The following PRKCH variants were observed in gnomAD, a reference collection of about 807,000 sequenced individuals.
The protein encoded by PRKCH is protein kinase C eta.
Under a neutral mutation model 82.5 loss-of-function variants are expected in PRKCH, and 28 were observed. The observed-to-expected ratio is 0.34, with a 90% CI of 0.25 to 0.47. The LOEUF is 0.47. PRKCH is among the 20% of genes least tolerant of loss of function. The pLI, the probability that PRKCH is intolerant of heterozygous loss-of-function variation, is 1.00. For missense variants in PRKCH, 705 were observed against 881.8 expected, an observed-to-expected ratio of 0.80 and a Z score of 2.54; for synonymous variants, 322 against 327.4, an observed-to-expected ratio of 0.98 and a Z score of 0.18.
chr14:61,312,305 T>C (rs980192991), intron 1 of PRKCH, among the ~76,000 whole-genome samples: 6 of 152,188 alleles, frequency 3.9e-5, no homozygotes, highest in African/African-American at 1.4e-4. Flanking sequence ...CCTGGCTCAT[T>C]TTTGTATTTT....
In PRKCH at chr14:61,245,595, G is replaced by A. The variant is rs559391592; in HGVS notation, c.-19+57927G>A. ...TTCCTCCCCACCAAAGGGGCCAAGG[G>A]TGAAAGAGCGCTGATGAGAATTAAG... On this transcript the variant is annotated intron_variant, in intron 1 of 3. Coordinates refer to the PRKCH transcript ENST00000555185. Among the ~76,000 whole-genome samples, 4 of 152,318 alleles carry A rather than the reference G, an allele frequency of 2.6e-5. No homozygotes were observed. The East Asian group carries it at 5.8e-4, about 22-fold the overall frequency.
At chr14:61,517,702 A>C (rs2042848188) in intron 10 of PRKCH, among the ~76,000 whole-genome samples, 1 of 152,252 alleles carries the variant, frequency 6.6e-6, no homozygotes, top group Non-Finnish European at 1.5e-5. Flanking sequence ...TAAAGCTAGC[A>C]GGACCCATCT....
chr14:61,209,902 T>C (rs892386421), intron 1 of PRKCH, among the ~76,000 whole-genome samples: 1 of 151,678 alleles, frequency 6.6e-6, no homozygotes, highest in African/African-American at 2.4e-5. Context: ...AATGAGAACA[T>C]GCAGTATTTG....
intron 2 of PRKCH, among the ~76,000 whole-genome samples, chr14:61,438,754 G>C (rs1035499915): frequency 6.6e-6 from 1 of 152,156 alleles, no homozygotes; most frequent in African/African-American, 2.4e-5. Context: ...GGGGTTGTTT[G>C]GTGACTCCTA....
chr14:61,516,910 A>G (rs17098667), intron 10 of PRKCH, among the ~76,000 whole-genome samples: 38,649 of 152,130 alleles, frequency 0.25, 5,291 homozygotes, highest in African/African-American at 0.35. Flanking sequence ...CTATAATCTA[A>G]AAGTAAAATG....
At chr14:61,223,803 CT>C (rs2044673834) in intron 1 of PRKCH, among the ~76,000 whole-genome samples, 1 of 152,188 alleles carries the variant, frequency 6.6e-6, no homozygotes, top group African/African-American at 2.4e-5. Context: ...AAACTTCACC[CT>C]CATGATCCAG....
At chr14:61,461,459 A>G (rs1190164642) in intron 9 of PRKCH, among the ~76,000 whole-genome samples, 1 of 152,202 alleles carries the variant, frequency 6.6e-6, no homozygotes, top group Non-Finnish European at 1.5e-5. Context: ...CCGCAGAGCC[A>G]GGTGACCTCT....
intron 1 of PRKCH, among the ~76,000 whole-genome samples, chr14:61,360,546 A>G (rs150374672): frequency 8.3e-4 from 127 of 152,336 alleles, no homozygotes; most frequent in Middle Eastern, 3.4e-3. Flanking sequence ...CGAAGAGGCT[A>G]AAACGTATCC....
At chr14:61,255,083 C>T (rs1324521297) in intron 1 of PRKCH, among the ~76,000 whole-genome samples, 1 of 152,200 alleles carries the variant, frequency 6.6e-6, no homozygotes, top group Non-Finnish European at 1.5e-5. Flanking sequence ...CTTCTTGCTG[C>T]GCTATCAGGA....
chr14:61,282,562 G>C (rs915490748), intron 1 of PRKCH, among the ~76,000 whole-genome samples: 7 of 152,062 alleles, frequency 4.6e-5, no homozygotes, highest in Admixed American at 4.6e-4. Context: ...ATGCTAATTA[G>C]ACAAAAAAGG....
intron 1 of PRKCH, among the ~76,000 whole-genome samples, chr14:61,240,952 A>C (rs955177191): frequency 4.5e-3 from 27 of 6,012 alleles, no homozygotes; most frequent in African/African-American, 7.9e-3. Flanking sequence ...TCAATTCTAC[A>C]GCTCTAATTC....
intron 3 of PRKCH, 53 bp from the exon 4 acceptor site, chr14:61,445,639 A>C: frequency 2.0e-6 from 3 of 1,508,182 alleles, no homozygotes; most frequent in Non-Finnish European, 2.8e-6. Flanking sequence ...AAGGACTATA[A>C]GAGGGTTATT....
chr14:61,457,802 G>C, intron 9 of PRKCH, 123 bp downstream of exon 9: 2 of 1,327,652 alleles, frequency 1.5e-6, no homozygotes, highest in Non-Finnish European at 2.1e-6. Flanking sequence ...CCCAAGGCAG[G>C]GTCATATGGA....
intron 10 of PRKCH, among the ~76,000 whole-genome samples, chr14:61,507,938 A>G (rs1462667467): frequency 6.6e-6 from 1 of 152,140 alleles, no homozygotes; most frequent in Non-Finnish European, 1.5e-5. Context: ...TCTTATCACC[A>G]AGAAAAAAAC....
At chr14:61,470,799 A>G (rs559665610) in intron 9 of PRKCH, among the ~76,000 whole-genome samples, 2 of 152,244 alleles carry the variant, frequency 1.3e-5, no homozygotes, top group East Asian at 3.9e-4. Context: ...GATGTAATAT[A>G]TAACTCCCAA....
intron 4 of PRKCH, among the ~76,000 whole-genome samples, chr14:61,447,825 G>A (rs982714376): frequency 6.6e-6 from 1 of 152,188 alleles, no homozygotes; most frequent in African/African-American, 2.4e-5. Context: ...ATCATTAAAT[G>A]CATACAGTAG....
intron 1 of PRKCH, among the ~76,000 whole-genome samples, chr14:61,349,065 A>G (rs1261675517): frequency 6.6e-6 from 1 of 152,258 alleles, no homozygotes; most frequent in Non-Finnish European, 1.5e-5. Flanking sequence ...TTATGCTCTT[A>G]AAAGTATGCA....
intron 2 of PRKCH, among the ~76,000 whole-genome samples, chr14:61,435,833 G>T (rs1325626604): frequency 6.6e-6 from 1 of 152,160 alleles, no homozygotes; most frequent in Non-Finnish European, 1.5e-5. Context: ...GGTATGCAGG[G>T]AACCTTGGAG....
intron 1 of PRKCH, among the ~76,000 whole-genome samples, chr14:61,195,903 G>T (rs1190077380): frequency 6.6e-6 from 1 of 152,174 alleles, no homozygotes; most frequent in Non-Finnish European, 1.5e-5. Flanking sequence ...TTCTGTAGAA[G>T]CACCCTGGGG....
Sources: gnomAD v4.1 joint callset for allele counts (sites outside exome capture counted in the v4.1 genomes callset) on GRCh38, gnomAD v4.1.1 for gene constraint, MANE v1.5 for transcripts, NCBI Gene and HGNC (gene_info 2026-07-23, HGNC 2026-07-21) for gene names.